The following ADGRL3 variants were observed in gnomAD, a reference collection of about 807,000 sequenced individuals.
ADGRL3 encodes calcium-independent alpha-latrotoxin receptor 3.
In ADGRL3, 62 loss-of-function variants were observed where a neutral mutation model predicts 153.5. The ratio of observed to expected loss-of-function variants is 0.40; its 90% confidence interval spans 0.33 to 0.50. ADGRL3 has a LOEUF of 0.50. Among genes scored for constraint, ADGRL3 ranks in the 20% least tolerant of loss-of-function variants. The pLI, the probability that ADGRL3 is intolerant of heterozygous loss-of-function variation, is 0.47. For missense variants in ADGRL3, 1,641 were observed against 1,859.4 expected (o/e 0.88, Z 2.16); for synonymous variants, 710 against 672.5 (o/e 1.06, Z -0.86).
chr4:61,983,744 G>A, intron 19 of ADGRL3, 141 bp downstream of exon 19: 1 of 715,582 alleles, frequency 1.4e-6, no homozygotes, highest in Non-Finnish European at 2.3e-6. Flanking sequence ...GTTATACTTT[G>A]GTTATGATGT....
chr4:61,674,779 G>T (rs898025675), intron 5 of ADGRL3, among the ~76,000 whole-genome samples: 7 of 151,812 alleles, frequency 4.6e-5, no homozygotes, highest in African/African-American at 1.7e-4. Context: ...TGTTTTAATG[G>T]CTAAAAACAT....
At chr4:61,575,957 G>T (rs1417164077) in intron 4 of ADGRL3, among the ~76,000 whole-genome samples, 4 of 151,980 alleles carry the variant, frequency 2.6e-5, no homozygotes, top group African/African-American at 7.2e-5. Context: ...TGGTTGAGCT[G>T]AACAAATATA....
chr4:61,603,288 C>A (rs1385149733), intron 5 of ADGRL3, among the ~76,000 whole-genome samples: 2 of 152,090 alleles, frequency 1.3e-5, no homozygotes, highest in South Asian at 2.1e-4. Flanking sequence ...TGGCCAACTG[C>A]ATTTTTTAAC....
intron 21 of ADGRL3, among the ~76,000 whole-genome samples, chr4:62,010,226 T>A (rs1428520730): frequency 6.6e-6 from 1 of 152,088 alleles, no homozygotes; most frequent in African/African-American, 2.4e-5. Flanking sequence ...CTGAACATTC[T>A]ACCCTTTTAA....
intron 1 of ADGRL3, among the ~76,000 whole-genome samples, chr4:61,310,343 C>A (rs927438703): frequency 6.6e-6 from 1 of 151,850 alleles, no homozygotes; most frequent in Non-Finnish European, 1.5e-5. Context: ...AAACTCTGCC[C>A]AAAGCATTGA....
intron 9 of ADGRL3, among the ~76,000 whole-genome samples, chr4:61,885,126 A>C (rs942810406): frequency 6.6e-6 from 1 of 151,890 alleles, no homozygotes; most frequent in Non-Finnish European, 1.5e-5. Flanking sequence ...AAAATACAAA[A>C]GTAGTCTGGC....
intron 4 of ADGRL3, among the ~76,000 whole-genome samples, chr4:61,532,734 C>A (rs2098630927): frequency 6.7e-6 from 1 of 149,898 alleles, no homozygotes; most frequent in African/African-American, 2.5e-5. Flanking sequence ...AACACCAGCT[C>A]TGTTTTATTT....
intron 17 of ADGRL3, among the ~76,000 whole-genome samples, chr4:61,962,112 G>A (rs2098990142): frequency 6.6e-6 from 1 of 151,898 alleles, no homozygotes; most frequent in African/African-American, 2.4e-5. Context: ...GGTGGTATGG[G>A]CCTATAGTCT....
At chr4:61,512,558 A>T (rs914809955) in intron 3 of ADGRL3, among the ~76,000 whole-genome samples, 1 of 152,146 alleles carries the variant, frequency 6.6e-6, no homozygotes, top group Non-Finnish European at 1.5e-5. Flanking sequence ...AAAATAAGTA[A>T]ATTTTTAAAA....
rs544673016 is a variant in ADGRL3, at chr4:61,235,864, G to A, written c.-240+34099G>A. On this transcript the variant is annotated intron_variant, in intron 1 of 26. Transcript: ENST00000683033. Reference sequence around the variant, plus strand: ...GGACCCCTAATATCCTGGTCCCTGTGAAGGTTATTTGTCATTGTAAATTAA... The same window carrying A: ...GGACCCCTAATATCCTGGTCCCTGTAAAGGTTATTTGTCATTGTAAATTAA... 1.2e-4 allele frequency among the ~76,000 whole-genome samples: 18 copies of A among 152,184 alleles called. 2 individuals are homozygous for A. In the South Asian group the frequency reaches 3.7e-3, roughly 32 times the overall value.
intron 13 of ADGRL3, 146 bp downstream of exon 13, chr4:61,912,903 A>G: frequency 1.4e-6 from 1 of 729,320 alleles, no homozygotes; most frequent in East Asian, 2.7e-5. Flanking sequence ...AACAGAAAGC[A>G]TGAAAGCATT....
intron 2 of ADGRL3, among the ~76,000 whole-genome samples, chr4:61,459,313 CAAT>C: frequency 6.6e-6 from 1 of 151,436 alleles, no homozygotes; most frequent in Non-Finnish European, 1.5e-5. Flanking sequence ...TAGGGACAAA[CAAT>C]AAACAAATAG....
Position 62,037,783 on chromosome 4 carries a change from G to A in ADGRL3, c.3644G>A (p.Ser1215Asn). ...CGAACACATTGCTGTAGTGGCAAAA[G>A]TACAGAGAGTTCCATTGGTTCAGGG... The part of the protein sequence containing the change: ...CLRTHCCSGK[S>N]TESSIGSGKT... Residue 1215 changes from serine to asparagine, a missense_variant, in exon 24 of 27, where the codon AGT becomes AAT. Ser to Asn is a conservative substitution (Grantham distance 46, BLOSUM62 1). Around this residue, in one of 5 missense-constraint regions of ADGRL3, gnomAD observed 517 missense variants for 555.0 expected, o/e 0.93. Transcript: ENST00000683033. 1 of 1,613,786 alleles carries A rather than the reference G, an allele frequency of 6.2e-7. No homozygotes were observed. The highest frequency in any genetic ancestry group is 8.5e-7 in the Non-Finnish European group (1 of 1,179,766).
rs778450159 is a variant in ADGRL3, at chr4:61,948,204, T to G, written c.2733T>G (p.Asn911Lys). ...AAGGCTGTCGGCTCCTGACAACAAA[T>G]AAGACACATACTACATGCTCTTGTA... is the stretch of plus-strand genomic sequence containing the variant. ...STQGCRLLTT[N>K]KTHTTCSCNH... The change falls in exon 17 of 27, where the codon AAT (asparagine) becomes AAG (lysine). Residue 911 changes from asparagine to lysine, a missense_variant. Physicochemically the swap from Asn to Lys is moderately conservative, Grantham distance 94. Around this residue, in one of 5 missense-constraint regions of ADGRL3, gnomAD observed 734 missense variants for 797.0 expected, o/e 0.92. Transcript: ENST00000683033. 1.9e-6 allele frequency: 3 copies of G among 1,613,808 alleles called. No individual in the cohort carries two copies. Among genetic ancestry groups the G allele is most frequent in the Non-Finnish European group, 2.5e-6 (3 of 1,179,834 alleles).
intron 5 of ADGRL3, among the ~76,000 whole-genome samples, chr4:61,590,617 A>G (rs2098965579): frequency 6.6e-6 from 1 of 152,092 alleles, no homozygotes; most frequent in Non-Finnish European, 1.5e-5. Context: ...TCTCCCCATA[A>G]AACTATGTAT....
At chr4:61,281,537 G>A (rs922530864) in intron 1 of ADGRL3, among the ~76,000 whole-genome samples, 1 of 152,100 alleles carries the variant, frequency 6.6e-6, no homozygotes, top group Non-Finnish European at 1.5e-5. Flanking sequence ...CCTGGATGAA[G>A]CATTAAGTTA....
chr4:61,833,958 C>CTTTTT (rs113049750), intron 9 of ADGRL3, among the ~76,000 whole-genome samples: 14 of 123,366 alleles, frequency 1.1e-4, no homozygotes, highest in East Asian at 4.9e-4. Flanking sequence ...AAGGCAGCTT[C>CTTTTT]TTTTTTTTTT....
intron 8 of ADGRL3, among the ~76,000 whole-genome samples, chr4:61,768,758 T>A (rs1346403334): frequency 6.6e-6 from 1 of 151,448 alleles, no homozygotes; most frequent in African/African-American, 2.4e-5. Flanking sequence ...TTGCCCATAG[T>A]GAAGGAGGCA....
At chr4:61,870,577 A>C (rs944268629) in intron 9 of ADGRL3, among the ~76,000 whole-genome samples, 3 of 151,222 alleles carry the variant, frequency 2.0e-5, no homozygotes, top group Admixed American at 1.3e-4. Flanking sequence ...TATATTCAAA[A>C]TATATAAAGA....
Sources: gnomAD v4.1 joint callset for allele counts (sites outside exome capture counted in the v4.1 genomes callset) on GRCh38, gnomAD v4.1.1 for gene constraint, gnomAD v4.1.1 regional missense constraint, MANE v1.5 for transcripts, NCBI Gene and HGNC (gene_info 2026-07-23, HGNC 2026-07-21) for gene names.